The following LNPEP variants were observed in gnomAD, a reference collection of about 807,000 sequenced individuals.
The protein encoded by LNPEP is leucyl and cystinyl aminopeptidase, also known as leucyl-cystinyl aminopeptidase.
Under a neutral mutation model 120.6 loss-of-function variants are expected in LNPEP, and 64 were observed. That is an observed-to-expected ratio of 0.53 (90% CI 0.43 to 0.65). LNPEP has a LOEUF of 0.65. Ranked by LOEUF, LNPEP falls within the 30% of genes least tolerant of loss-of-function variation. The pLI is 0.00. For missense variants in LNPEP, 1,057 were observed against 1,200.0 expected (o/e 0.88, Z 1.76); for synonymous variants, 435 against 425.4 (o/e 1.02, Z -0.28).
chr5:96,968,085 A>G (rs949550754), intron 1 of LNPEP, among the ~76,000 whole-genome samples: 1 of 152,092 alleles, frequency 6.6e-6, no homozygotes, highest in African/African-American at 2.4e-5. Flanking sequence ...CAGGTTTTGG[A>G]ACTCAATATT....
In LNPEP at chr5:97,034,112, C is replaced by T. The variant is rs1386078941; in HGVS notation, c.*5579C>T. The T allele has an allele frequency of 6.6e-6, 1 of 152,084 alleles. No individual in the cohort carries two copies. The highest frequency in any genetic ancestry group is 6.6e-5 in the Admixed American group (1 of 15,240). The allele number at this position is 152,084 out of a possible 1,614,324, so 9.4% of individuals were successfully genotyped here. On this transcript the variant is annotated 3_prime_UTR_variant, in exon 18 of 18. Coordinates refer to ENST00000231368, the MANE Select transcript of LNPEP (RefSeq NM_005575.3). ...GATGTATGAAAATCTCCTCTTTTCC[C>T]CTTTCCTTATTGCCTCTGTAGGCAA...
Position 97,008,337 on chromosome 5 carries a change from G to GTTTTTTTTTTTTTTTTTTTTTT in LNPEP, c.2035+1832_2035+1853dup, listed in dbSNP as rs781727347. On this transcript the variant is annotated intron_variant, in intron 11 of 17. Coordinates refer to ENST00000231368, the MANE Select transcript of LNPEP (RefSeq NM_005575.3). ...TTGATTTTTTTGTTTGTTTTTTCTT[G>GTTTTTTTTTTTTTTTTTTTTTT]TTTTTTTTTTTTTTTTTTTTTTTTT... 4.0e-4 allele frequency among the ~76,000 whole-genome samples: 24 copies of GTTTTTTTTTTTTTTTTTTTTTT among 59,840 alleles called. 1 individual carries two copies. Among genetic ancestry groups the GTTTTTTTTTTTTTTTTTTTTTT allele is most frequent in the South Asian group, 8.3e-4 (1 of 1,210 alleles). 39.3% of individuals were successfully genotyped at this position (59,840 alleles called of 152,430 possible). A position where few individuals can be genotyped will look rare whatever the true frequency, so the allele number is the denominator to read the frequency against.
chr5:96,945,458 C>T (rs1469879378), intron 1 of LNPEP, among the ~76,000 whole-genome samples: 2 of 150,992 alleles, frequency 1.3e-5, no homozygotes, highest in Non-Finnish European at 2.9e-5. Context: ...TAGAATGTTC[C>T]ACACAAGAGA....
At chr5:97,021,929 T>C (rs1322890115) in intron 13 of LNPEP, among the ~76,000 whole-genome samples, 1 of 134,504 alleles carries the variant, frequency 7.4e-6, no homozygotes, top group African/African-American at 2.8e-5. Context: ...TTTTGTTTTT[T>C]TTTTTTTTTT....
intron 4 of LNPEP, among the ~76,000 whole-genome samples, chr5:96,988,708 C>G (rs1790303665): frequency 6.6e-6 from 1 of 152,024 alleles, no homozygotes; most frequent in African/African-American, 2.4e-5. Flanking sequence ...GTTCTGGGCT[C>G]AAGTGATTCT....
chr5:96,998,615 C>G (rs1790573916), intron 8 of LNPEP, among the ~76,000 whole-genome samples: 1 of 152,154 alleles, frequency 6.6e-6, no homozygotes, highest in Admixed American at 6.5e-5. Context: ...GAATGTTAAA[C>G]CCCATTCGGA....
intron 4 of LNPEP, among the ~76,000 whole-genome samples, chr5:96,987,337 A>G (rs1011361529): frequency 6.6e-6 from 1 of 152,216 alleles, no homozygotes; most frequent in Non-Finnish European, 1.5e-5. Context: ...CTGACAACAT[A>G]GAAGGAGAAA....
intron 1 of LNPEP, among the ~76,000 whole-genome samples, chr5:96,960,509 G>T (rs1011836721): frequency 6.6e-6 from 1 of 152,158 alleles, no homozygotes; most frequent in Non-Finnish European, 1.5e-5. Flanking sequence ...TCACATTCTA[G>T]GGTGTGGGTT....
chr5:97,015,219 C>A, intron 13 of LNPEP, 124 bp downstream of exon 13: 1 of 550,274 alleles, frequency 1.8e-6, no homozygotes, highest in Non-Finnish European at 3.0e-6. Context: ...CACTTTCCTG[C>A]TTGTGAAATC....
intron 2 of LNPEP, among the ~76,000 whole-genome samples, chr5:96,982,798 CAAAAG>C (rs1339008532): frequency 6.6e-6 from 1 of 152,058 alleles, no homozygotes; most frequent in South Asian, 2.1e-4. Context: ...AAAGCAAAAA[CAAAAG>C]AATACAAAAC....
Position 97,013,825 on chromosome 5 carries a change from T to C in LNPEP, c.2213T>C (p.Leu738Pro). The C allele has an allele frequency of 6.2e-7, 1 of 1,600,652 alleles. No individual in the cohort carries two copies. The highest frequency in any genetic ancestry group is 2.2e-5 in the East Asian group (1 of 44,698). The change falls in exon 12 of 18, where the codon CTT (leucine) becomes CCT (proline). Residue 738 changes from leucine to proline, a missense_variant. Coordinates refer to ENST00000231368, the MANE Select transcript of LNPEP (RefSeq NM_005575.3). ...AACCTTATCAACAACATCTTTGAAC[T>C]TGCAGGGTAGAGTATACTTAGTTTG... ...RANLINNIFE[L>P]AGLGKVPLKR...
rs1383872492 is a variant in LNPEP at position 96,985,136 on chromosome 5, T to C, written c.917T>C (p.Phe306Ser). The C allele has an allele frequency of 6.2e-7, 1 of 1,613,920 alleles. No homozygotes were observed. Among genetic ancestry groups the C allele is most frequent in the Non-Finnish European group, 8.5e-7 (1 of 1,179,918 alleles). Reference sequence around the variant, plus strand: ...GCAGCAAGATCTGCTTTTCCTTGTTTTGATGAACCAGCATTTAAAGCCACT... The same window carrying C: ...GCAGCAAGATCTGCTTTTCCTTGTTCTGATGAACCAGCATTTAAAGCCACT... ...PLAARSAFPC[F>S]DEPAFKATFI... Residue 306 changes from phenylalanine to serine, a missense_variant, in exon 3 of 18, where the codon TTT (phenylalanine) becomes TCT (serine). Coordinates refer to ENST00000231368, the MANE Select transcript of LNPEP (RefSeq NM_005575.3).
chr5:96,999,041 C>T (rs1270559942), intron 8 of LNPEP, among the ~76,000 whole-genome samples: 1 of 152,032 alleles, frequency 6.6e-6, no homozygotes, highest in Middle Eastern at 3.4e-3. Context: ...GGAAGCCACA[C>T]GTGAAGAGGG....
At chr5:96,953,339 G>T (rs75610088) in intron 1 of LNPEP, among the ~76,000 whole-genome samples, 60,937 of 151,766 alleles carry the variant, frequency 0.4, 12,256 homozygotes, top group Non-Finnish European at 0.43. Flanking sequence ...ACAGAGACAG[G>T]TATAATCACA....
At chr5:97,003,331 G>A (rs1561448464) in intron 8 of LNPEP, 84 bp from the exon 9 acceptor site, 4 of 787,196 alleles carry the variant, frequency 5.1e-6, no homozygotes, top group South Asian at 2.2e-5. Flanking sequence ...TAGAATGACT[G>A]TAGTTTGAAT....
chr5:97,005,811 T>A (rs1332104454), intron 9 of LNPEP, among the ~76,000 whole-genome samples: 1 of 152,192 alleles, frequency 6.6e-6, no homozygotes, highest in Non-Finnish European at 1.5e-5. Flanking sequence ...TATGTGCCAC[T>A]TCTCAACCTA....
intron 14 of LNPEP, 35 bp downstream of exon 14, chr5:97,022,519 T>G: frequency 6.6e-7 from 1 of 1,507,800 alleles, no homozygotes; most frequent in Middle Eastern, 1.7e-4. Context: ...AATTATCTTC[T>G]TTTTCTTTAT....
At chr5:96,936,868 C>A (rs1323107368) in intron 1 of LNPEP, 1 of 152,212 alleles carries the variant, frequency 6.6e-6, no homozygotes, top group African/African-American at 2.4e-5. Flanking sequence ...GGTGATACCA[C>A]TGTGTGACAG....
chr5:96,979,901 A>C lies in LNPEP; in HGVS notation c.783A>C (p.Ile261=), dbSNP rs1326581852. 2 of 1,613,448 alleles carry C rather than the reference A, an allele frequency of 1.2e-6. No homozygotes were observed. The highest frequency in any genetic ancestry group is 2.2e-5 in the East Asian group (1 of 44,888). ...CAGGGCACAATTATACGTTGAAGAT[A>C]GAGTACTCGGCAAATATATCTAGTT... is the stretch of plus-strand genomic sequence containing the variant. ...LLAGHNYTLK[I]EYSANISSSY... Residue 261 remains isoleucine, a synonymous_variant, in exon 2 of 18, where the codon ATA becomes ATC. Transcript: ENST00000231368.
Sources: gnomAD v4.1 joint callset for allele counts (sites outside exome capture counted in the v4.1 genomes callset) on GRCh38, gnomAD v4.1.1 for gene constraint, MANE v1.5 for transcripts, NCBI Gene and HGNC (gene_info 2026-07-23, HGNC 2026-07-21) for gene names.